The following ACER3 variants were observed in gnomAD, a reference collection of about 807,000 sequenced individuals.
ACER3 encodes the protein alkaline ceramidase 3.
In ACER3, 16 loss-of-function variants were observed where a neutral mutation model predicts 48.9. The observed-to-expected ratio is 0.33, with a 90% CI of 0.22 to 0.50. The LOEUF (loss-of-function observed/expected upper bound fraction) is 0.50. Ranked by LOEUF, ACER3 falls within the 20% of genes least tolerant of loss-of-function variation. The pLI, the probability that ACER3 is intolerant of heterozygous loss-of-function variation, is 0.98. For synonymous variants in ACER3, 109 were observed against 107.8 expected, an observed-to-expected ratio of 1.01 and a Z score of -0.07; for missense variants, 227 against 326.0, an observed-to-expected ratio of 0.70 and a Z score of 2.34.
At chr11:77,016,061 C>G (rs1000746905) in intron 8 of ACER3, among the ~76,000 whole-genome samples, 1 of 145,204 alleles carries the variant, frequency 6.9e-6, no homozygotes, top group Non-Finnish European at 1.5e-5. Context: ...GAGCCGAGAT[C>G]GTGCTACTGT....
chr11:77,016,794 C>CT lies in ACER3; in HGVS notation c.704+21dup. On this transcript the variant is annotated intron_variant, in intron 9 of 10. Transcript: ENST00000532485. ...ATCCTTTTCAGGTAGGAAATAGAGA[C>CT]TTTTTTAGCCTCGTACTAGAGTTTG... 7.2e-7 allele frequency: 1 copy of CT among 1,389,450 alleles called. No individual in the cohort carries two copies. The highest frequency in any genetic ancestry group is 1.0e-6 in the Non-Finnish European group (1 of 999,704). The allele number at this position is 1,389,450 out of a possible 1,614,324, so 86.1% of individuals were successfully genotyped here. A position where few individuals can be genotyped will look rare whatever the true frequency, so the allele number is the denominator to read the frequency against.
intron 4 of ACER3, among the ~76,000 whole-genome samples, chr11:76,979,663 A>G (rs1948536087): frequency 6.6e-6 from 1 of 151,942 alleles, no homozygotes; most frequent in Non-Finnish European, 1.5e-5. Flanking sequence ...CCCCAGAAAA[A>G]AAGATATAGA....
chr11:76,872,916 T>C (rs1327878107), intron 1 of ACER3, among the ~76,000 whole-genome samples: 2 of 138,300 alleles, frequency 1.4e-5, no homozygotes, highest in East Asian at 2.0e-4. Context: ...TTTTTCTTTT[T>C]TTTTTTTTTT....
intron 1 of ACER3, among the ~76,000 whole-genome samples, chr11:76,866,161 G>A (rs1318069396): frequency 6.6e-6 from 1 of 152,066 alleles, no homozygotes; most frequent in East Asian, 1.9e-4. Context: ...TTGAATGGCA[G>A]TAGCGTCAGC....
At chr11:76,998,059 G>A (rs1461911640) in intron 6 of ACER3, among the ~76,000 whole-genome samples, 2 of 152,142 alleles carry the variant, frequency 1.3e-5, no homozygotes, top group Non-Finnish European at 1.5e-5. Flanking sequence ...AGCACTTCTT[G>A]GGGGTTAACA....
intron 3 of ACER3, among the ~76,000 whole-genome samples, chr11:76,963,889 G>A (rs754530894): frequency 1.2e-4 from 18 of 151,438 alleles, no homozygotes; most frequent in South Asian, 2.1e-4. Flanking sequence ...CGGCGTTAGC[G>A]ACACAGAAGA....
chr11:76,978,239 G>C (rs927490026), intron 4 of ACER3, among the ~76,000 whole-genome samples: 1 of 152,208 alleles, frequency 6.6e-6, no homozygotes, highest in East Asian at 1.9e-4. Context: ...GGGCCAGGCT[G>C]TCATTTCCGG....
chr11:76,904,521 G>A (rs1211483497), intron 1 of ACER3, among the ~76,000 whole-genome samples: 1 of 151,988 alleles, frequency 6.6e-6, no homozygotes, highest in Non-Finnish European at 1.5e-5. Flanking sequence ...TCCCTAAATT[G>A]TATAAAGCCA....
chr11:76,922,110 T>C (rs1281564133), intron 1 of ACER3, among the ~76,000 whole-genome samples: 2 of 152,144 alleles, frequency 1.3e-5, no homozygotes, highest in African/African-American at 4.8e-5. Context: ...AATAGCCTAC[T>C]GTCATCTTTC....
rs192668126 is a variant in ACER3, at chr11:76,917,441, C to T, written c.104-9116C>T. Among the ~76,000 whole-genome samples the T allele has an allele frequency of 1.6e-4, 25 of 152,206 alleles. No individual in the cohort carries two copies. In the East Asian group the frequency reaches 1.7e-3, roughly 11 times the overall value. ...AAAATAGAATGACTTAGGGCAGCCA[C>T]GGTGGCTCATGCCTGTAATCCCAGC... On this transcript the variant is annotated intron_variant, in intron 1 of 10. Transcript: ENST00000532485.
intron 3 of ACER3, among the ~76,000 whole-genome samples, chr11:76,968,481 C>T (rs1948200713): frequency 6.6e-6 from 1 of 152,196 alleles, no homozygotes; most frequent in Non-Finnish European, 1.5e-5. Flanking sequence ...GCCCGCATAG[C>T]CAAGTCAATC....
chr11:76,881,366 T>A (rs564621832), intron 1 of ACER3, among the ~76,000 whole-genome samples: 22 of 152,254 alleles, frequency 1.4e-4, no homozygotes, highest in Non-Finnish European at 2.2e-4. Flanking sequence ...TTTGGGTCTA[T>A]CATTTTATTA....
intron 3 of ACER3, among the ~76,000 whole-genome samples, chr11:76,975,666 C>A (rs1948421866): frequency 6.6e-6 from 1 of 151,854 alleles, no homozygotes; most frequent in Non-Finnish European, 1.5e-5. Flanking sequence ...GTTTGTAATA[C>A]CAGATGATAT....
intron 1 of ACER3, among the ~76,000 whole-genome samples, chr11:76,883,527 G>A (rs555125296): frequency 6.7e-5 from 9 of 133,730 alleles, no homozygotes; most frequent in Non-Finnish European, 9.3e-5. Flanking sequence ...TGCAACCTCC[G>A]CCCTCTGGGT....
chr11:76,925,360 G>C (rs548444783), intron 1 of ACER3, among the ~76,000 whole-genome samples: 1 of 152,076 alleles, frequency 6.6e-6, no homozygotes, highest in African/African-American at 2.4e-5. Flanking sequence ...TTGCAATATT[G>C]CTTGTAATAG....
intron 1 of ACER3, among the ~76,000 whole-genome samples, chr11:76,875,133 T>TTTTTTTTTA (rs1490255598): frequency 7.1e-6 from 1 of 141,302 alleles, no homozygotes; most frequent in African/African-American, 2.8e-5. Flanking sequence ...TTTTTTTTTT[T>TTTTTTTTTA]AGATGGAATC....
At chr11:76,989,348 T>C (rs1168336542) in intron 5 of ACER3, among the ~76,000 whole-genome samples, 1 of 151,830 alleles carries the variant, frequency 6.6e-6, no homozygotes, top group Admixed American at 6.6e-5. Flanking sequence ...TAAATGAGGA[T>C]ATAGAAATAT....
intron 1 of ACER3, among the ~76,000 whole-genome samples, chr11:76,924,305 C>T (rs977702317): frequency 3.2e-4 from 49 of 152,116 alleles, no homozygotes; most frequent in African/African-American, 1.1e-3. Context: ...CTTGTTTCTT[C>T]ATCTTGTGTG....
chr11:77,014,801 A>G (rs1186771899), intron 7 of ACER3, among the ~76,000 whole-genome samples: 1 of 152,136 alleles, frequency 6.6e-6, no homozygotes, highest in African/African-American at 2.4e-5. Context: ...TTTCCCAGCT[A>G]TTTGGGAGAC....
Sources: allele counts gnomAD v4.1 joint callset (sites outside exome capture counted in the v4.1 genomes callset), GRCh38; gene constraint gnomAD v4.1.1; transcripts MANE v1.5; gene names NCBI Gene and HGNC (gene_info 2026-07-23, HGNC 2026-07-21).